Variants in MACROH2A2 observed in about 807,000 individuals in gnomAD.
The protein encoded by MACROH2A2 is core histone macro-H2A.2.
In MACROH2A2, 6 loss-of-function variants were observed where a neutral mutation model predicts 37.6. The ratio of observed to expected loss-of-function variants is 0.16; its 90% confidence interval spans 0.09 to 0.32. The LOEUF is 0.32. Ranked by LOEUF, MACROH2A2 falls within the 10% of genes least tolerant of loss-of-function variation. The pLI is 1.00. For missense variants in MACROH2A2, 290 were observed against 485.9 expected (o/e 0.60, Z 3.79); for synonymous variants, 192 against 202.7 (o/e 0.95, Z 0.45).
chr10:70,072,260 A>AT (rs1424962009), intron 1 of MACROH2A2, among the ~76,000 whole-genome samples: 4 of 151,766 alleles, frequency 2.6e-5, no homozygotes, highest in African/African-American at 9.7e-5. Context: ...TTCTATTAAA[A>AT]TTTTTTTTAA....
intron 8 of MACROH2A2, 69 bp downstream of exon 8, chr10:70,109,276 C>T (rs1589842506): frequency 2.2e-6 from 3 of 1,342,806 alleles, no homozygotes; most frequent in South Asian, 1.2e-5. Flanking sequence ...CCCCCACTTA[C>T]ATCTGATCTG....
chr10:70,085,341 G>A (rs546345444), intron 2 of MACROH2A2, among the ~76,000 whole-genome samples: 13 of 152,304 alleles, frequency 8.5e-5, no homozygotes, highest in African/African-American at 2.9e-4. Context: ...AGTACAGACG[G>A]GTGGGTAGAA....
intron 7 of MACROH2A2, among the ~76,000 whole-genome samples, chr10:70,104,225 A>C (rs1269895309): frequency 6.6e-6 from 1 of 152,186 alleles, no homozygotes; most frequent in African/African-American, 2.4e-5. Flanking sequence ...AGAAAAAATA[A>C]ATTTCCAAAA....
chr10:70,108,217 CTAAAAATAAAAAAA>C (rs1043286632), intron 7 of MACROH2A2, among the ~76,000 whole-genome samples: 2 of 151,424 alleles, frequency 1.3e-5, no homozygotes, highest in African/African-American at 4.9e-5. Flanking sequence ...CAAAAAAAAA[CTAAAAATAAAAAAA>C]TAAAAATAAA....
At chr10:70,095,367 C>CAAA (rs1188963876) in intron 5 of MACROH2A2, among the ~76,000 whole-genome samples, 2 of 67,936 alleles carry the variant, frequency 2.9e-5, no homozygotes, top group Non-Finnish European at 6.3e-5. Flanking sequence ...GACTCCGTCT[C>CAAA]AAAAAAAAAA....
intron 6 of MACROH2A2, among the ~76,000 whole-genome samples, chr10:70,096,325 A>G (rs1392371555): frequency 6.6e-6 from 1 of 152,128 alleles, no homozygotes; most frequent in African/African-American, 2.4e-5. Context: ...GATCTATTCT[A>G]CCACTGATGA....
At chr10:70,077,475 G>A (rs1466598777) in intron 2 of MACROH2A2, among the ~76,000 whole-genome samples, 2 of 152,150 alleles carry the variant, frequency 1.3e-5, no homozygotes, top group African/African-American at 2.4e-5. Flanking sequence ...CAGCTACTTG[G>A]GAGGCTGAGG....
intron 1 of MACROH2A2, among the ~76,000 whole-genome samples, chr10:70,068,904 T>A (rs964144540): frequency 6.6e-6 from 1 of 152,230 alleles, no homozygotes; most frequent in Non-Finnish European, 1.5e-5. Flanking sequence ...ACAAGGGTCA[T>A]ATAAATTTAA....
rs181215392 is a variant in MACROH2A2, at chr10:70,080,005, C to T, written c.172+4175C>T. Reference sequence around the variant, plus strand: ...GGTAAAAGAAGTCTGACCAGCTGGACGTGGTGGCTCACGCCTGTAATCCCA... The same window carrying T: ...GGTAAAAGAAGTCTGACCAGCTGGATGTGGTGGCTCACGCCTGTAATCCCA... On this transcript the variant is annotated intron_variant, in intron 2 of 8. Transcript: ENST00000373255. Among the ~76,000 whole-genome samples, 28 of 152,240 alleles carry T rather than the reference C, an allele frequency of 1.8e-4. No individual in the cohort carries two copies. In the South Asian group the frequency reaches 4.6e-3, roughly 25 times the overall value.
rs914253508 is a variant in MACROH2A2 at position 70,075,697 on chromosome 10, G to C, written c.39G>C (p.Leu13=). The change falls in exon 2 of 9, where the codon CTG becomes CTC. Residue 13 remains leucine (L), a synonymous_variant. Coordinates refer to ENST00000373255, the MANE Select transcript of MACROH2A2 (RefSeq NM_018649.3). This position sits in a 1 kb window ranked among gnomAD's most constrained non-coding sequence, Gnocchi z 5.0. The stretch of plus-strand genomic sequence containing the variant: ...GTGGGAAGAAGAAAATGTCCAAGCT[G>C]TCCCGTTCAGCTAGGGCAGGTGTCA... ...GRSGKKKMSK[L]SRSARAGVIF... 5.6e-6 allele frequency: 9 copies of C among 1,614,192 alleles called. No homozygotes were observed. Among genetic ancestry groups the C allele is most frequent in the Non-Finnish European group, 7.6e-6 (9 of 1,180,032 alleles).
chr10:70,054,738 A>G (rs1254229023), intron 1 of MACROH2A2, among the ~76,000 whole-genome samples: 2 of 152,208 alleles, frequency 1.3e-5, no homozygotes, highest in Non-Finnish European at 2.9e-5. Flanking sequence ...TGATTTTTAG[A>G]ATTGTTTTAG....
At chr10:70,081,113 G>A (rs1166474889) in intron 2 of MACROH2A2, among the ~76,000 whole-genome samples, 4 of 151,048 alleles carry the variant, frequency 2.6e-5, no homozygotes, top group African/African-American at 9.7e-5. Context: ...AGAGCAGAGT[G>A]GATAGAAATG....
At chr10:70,064,229 T>C (rs12254060) in intron 1 of MACROH2A2, among the ~76,000 whole-genome samples, 24,515 of 151,826 alleles carry the variant, frequency 0.16, 2,126 homozygotes, top group East Asian at 0.24. Flanking sequence ...ATTAGCCAGG[T>C]GTGGTGGAAG....
chr10:70,058,185 TTAAA>T (rs2072028826), intron 1 of MACROH2A2, among the ~76,000 whole-genome samples: 1 of 152,208 alleles, frequency 6.6e-6, no homozygotes, highest in South Asian at 2.1e-4. Flanking sequence ...TCACAAAGTA[TTAAA>T]TAAGATAAAT....
intron 8 of MACROH2A2, among the ~76,000 whole-genome samples, chr10:70,111,062 A>G (rs1331218912): frequency 6.6e-6 from 1 of 152,156 alleles, no homozygotes; most frequent in Non-Finnish European, 1.5e-5. Context: ...TGAGGTCAGG[A>G]GTTCAAGACC....
At chr10:70,099,447 G>A (rs1305800258) in intron 6 of MACROH2A2, 1 of 152,218 alleles carries the variant, frequency 6.6e-6, no homozygotes, top group Non-Finnish European at 1.5e-5. Context: ...ATTCGAAGAT[G>A]AAAACATCTG....
chr10:70,102,987 G>A (rs35747174), intron 7 of MACROH2A2, among the ~76,000 whole-genome samples: 35,825 of 151,628 alleles, frequency 0.24, 5,680 homozygotes, highest in African/African-American at 0.44. Context: ...GCTTCACTTT[G>A]TATCAGAGTA....
intron 2 of MACROH2A2, among the ~76,000 whole-genome samples, chr10:70,077,089 G>GCAGTTCTTTTC (rs2072144328): frequency 6.6e-6 from 1 of 152,142 alleles, no homozygotes; most frequent in Non-Finnish European, 1.5e-5. Context: ...GCTCTGAAAA[G>GCAGTTCTTTTC]CAGTTCTTTT....
At chr10:70,099,573 T>G (rs2072294932) in intron 6 of MACROH2A2, 1 of 152,016 alleles carries the variant, frequency 6.6e-6, no homozygotes. Context: ...AGGGTTCCTG[T>G]GGGGTCAGAG....
Sources: allele counts gnomAD v4.1 joint callset (sites outside exome capture counted in the v4.1 genomes callset), GRCh38; gene constraint gnomAD v4.1.1; non-coding constraint Gnocchi (gnomAD v3.1); transcripts MANE v1.5; gene names NCBI Gene and HGNC (gene_info 2026-07-23, HGNC 2026-07-21).